HHIPL1: variants seen among roughly 807,000 people sequenced by gnomAD.
HHIPL1 encodes HHIP-like protein 1.
HHIPL1 carries 43 observed loss-of-function variants against 61.8 expected under a neutral mutation model. That is an observed-to-expected ratio of 0.70 (90% confidence interval 0.55 to 0.90). HHIPL1 has a LOEUF of 0.90. Ranked by LOEUF, HHIPL1 falls within the 40% of genes least tolerant of loss-of-function variation. The pLI is 0.00. For synonymous variants in HHIPL1, 482 were observed against 515.8 expected (o/e 0.93, Z 0.89); for missense variants, 1,056 against 1,157.7 (o/e 0.91, Z 1.28).
chr14:99,660,157 T>G lies in HHIPL1; in HGVS notation c.1376-123T>G. The G allele has an allele frequency of 1.0e-6, 1 of 985,104 alleles. No homozygotes were observed. The highest frequency in any genetic ancestry group is 1.5e-6 in the Non-Finnish European group (1 of 689,436). The allele number at this position is 985,104 out of a possible 1,614,324, so 61.0% of individuals were successfully genotyped here. A position where few individuals can be genotyped will look rare whatever the true frequency, so the allele number is the denominator to read the frequency against. On this transcript the variant is annotated intron_variant, in intron 4 of 8. Transcript: ENST00000330710. This position sits in a 1 kb window ranked among gnomAD's most constrained non-coding sequence, Gnocchi z 4.9. ...AGCCCTGCTGTGGGCACGCCAGCCCTGCTGTGGGCACGCCCCTCCCTCCGT... is the reference window on the plus strand; with the variant it reads ...AGCCCTGCTGTGGGCACGCCAGCCCGGCTGTGGGCACGCCCCTCCCTCCGT...
chr14:99,666,257 G>T (rs904269589), intron 6 of HHIPL1, among the ~76,000 whole-genome samples: 1 of 152,180 alleles, frequency 6.6e-6, no homozygotes, highest in African/African-American at 2.4e-5. Context: ...ACTGAGAGAC[G>T]GGAGGACAGG....
the HHIPL1 span, among the ~76,000 whole-genome samples, chr14:99,635,888 G>A: frequency 2.0e-5 from 3 of 152,104 alleles, no homozygotes; most frequent in Non-Finnish European, 4.4e-5. Context: ...AAGTTATCTC[G>A]TGCCTTCAAT....
At chr14:99,631,126 CTTTT>C in the HHIPL1 span, among the ~76,000 whole-genome samples, 1 of 132,202 alleles carries the variant, frequency 7.6e-6, no homozygotes, top group Non-Finnish European at 1.6e-5. Flanking sequence ...TTCTTTCTTT[CTTTT>C]TTTTTTTGAC....
chr14:99,619,540 C>T, the HHIPL1 span, among the ~76,000 whole-genome samples: 6 of 152,066 alleles, frequency 3.9e-5, no homozygotes, highest in South Asian at 4.2e-4. Context: ...CTCACACCTG[C>T]GTGATGATAA....
At chr14:99,631,919 A>G in the HHIPL1 span, among the ~76,000 whole-genome samples, 89 of 152,262 alleles carry the variant, frequency 5.8e-4, no homozygotes, top group African/African-American at 2.1e-3. Context: ...TGCCCCAGAC[A>G]TCCTGGGATG....
the HHIPL1 span, among the ~76,000 whole-genome samples, chr14:99,634,407 A>C: frequency 6.6e-6 from 1 of 152,158 alleles, no homozygotes; most frequent in Non-Finnish European, 1.5e-5. Context: ...GCTGGGGAAA[A>C]TAAGTCTTAC....
chr14:99,619,458 T>A, the HHIPL1 span, among the ~76,000 whole-genome samples: 1 of 129,944 alleles, frequency 7.7e-6, no homozygotes, highest in South Asian at 2.4e-4. Context: ...CAAGACTCCA[T>A]CTCAAAAAAA....
chr14:99,612,600 A>C, the HHIPL1 span, among the ~76,000 whole-genome samples: 1 of 152,194 alleles, frequency 6.6e-6, no homozygotes, highest in East Asian at 1.9e-4. Context: ...GGCCCCAGAC[A>C]CATGGTCTTT....
In HHIPL1 at chr14:99,659,511, C is replaced by A; in HGVS notation, c.1130C>A (p.Pro377Gln). Residue 377 changes from proline (P) to glutamine (Q), a missense_variant, in exon 4 of 9, where the codon CCG becomes CAG. Transcript: ENST00000330710. ...CCCTACGGCATCCCGCCCGACAACCCGTTCGTGGGCGACCCCGCGGCGCAG... is the reference window on the plus strand; with the variant it reads ...CCCTACGGCATCCCGCCCGACAACCAGTTCGTGGGCGACCCCGCGGCGCAG... ...GLPYGIPPDN[P>Q]FVGDPAAQPE... is the part of the protein sequence containing the mutation. 1 of 1,542,064 alleles carries A rather than the reference C, an allele frequency of 6.5e-7. No individual in the cohort carries two copies. The highest frequency in any genetic ancestry group is 1.4e-5 in the African/African-American group (1 of 72,234).
chr14:99,617,671 T>C, the HHIPL1 span, among the ~76,000 whole-genome samples: 1 of 152,186 alleles, frequency 6.6e-6, no homozygotes, highest in Non-Finnish European at 1.5e-5. Flanking sequence ...CTCTGGGCTG[T>C]GGTGCATGAA....
Position 99,652,883 on chromosome 14 carries a change from G to A in HHIPL1, c.902+13G>A, listed in dbSNP as rs982099897. The A allele has an allele frequency of 5.6e-6, 9 of 1,607,592 alleles. No individual in the cohort carries two copies. Among genetic ancestry groups the A allele is most frequent in the Non-Finnish European group, 6.8e-6 (8 of 1,176,242 alleles). ...ACAGCTCTGAGAGGTGGCTTCCTTG[G>A]GGAACCCGGGCCTGGGTGGGGGCAG... On this transcript the variant is annotated intron_variant, in intron 2 of 8. Transcript: ENST00000330710.
Position 99,656,994 on chromosome 14 carries a change from C to G in HHIPL1, c.903-6C>G. Reference sequence around the variant, plus strand: ...CTGAGTTTTAGGGGCCCTTATCTTCCTTTAGGATAATCCTGGAGGTCAAAG... The same window carrying G: ...CTGAGTTTTAGGGGCCCTTATCTTCGTTTAGGATAATCCTGGAGGTCAAAG... On this transcript the variant is annotated splice_polypyrimidine_tract_variant and splice_region_variant and intron_variant, in intron 2 of 8. Coordinates refer to ENST00000330710, the MANE Select transcript of HHIPL1 (RefSeq NM_001127258.3). The G allele has an allele frequency of 1.9e-6, 3 of 1,599,298 alleles. No homozygotes were observed. The highest frequency in any genetic ancestry group is 2.6e-6 in the Non-Finnish European group (3 of 1,172,784).
At chr14:99,635,457 A>T in the HHIPL1 span, among the ~76,000 whole-genome samples, 7 of 152,124 alleles carry the variant, frequency 4.6e-5, no homozygotes, top group Admixed American at 4.6e-4. Flanking sequence ...CCAGGAAAGG[A>T]AAGTGACCCT....
chr14:99,657,287 C>A, intron 3 of HHIPL1, 144 bp downstream of exon 3: 2 of 949,986 alleles, frequency 2.1e-6, no homozygotes, highest in Non-Finnish European at 3.3e-6. Context: ...CTGCAGCTAG[C>A]TGGGCAGCCT....
At position 99,652,229 on chromosome 14, in the gene HHIPL1, C is replaced by T; in HGVS notation, c.261C>T (p.Cys87=). Residue 87 remains cysteine, a synonymous_variant, in exon 2 of 9, where the codon TGC becomes TGT. Coordinates refer to ENST00000330710, the MANE Select transcript of HHIPL1 (RefSeq NM_001127258.3). ...AGCCATTACTGTCTCTGCAGGAATG[C>T]TCGCCGTATGCAGCCCACCTCTATG... is the stretch of plus-strand genomic sequence containing the variant. The part of the protein sequence containing the change: ...GYARDLLCQE[C]SPYAAHLYDA... The T allele has an allele frequency of 6.3e-7, 1 of 1,595,012 alleles. No homozygotes were observed. The highest frequency in any genetic ancestry group is 8.6e-7 in the Non-Finnish European group (1 of 1,169,086).
At chr14:99,616,656 T>C in the HHIPL1 span, among the ~76,000 whole-genome samples, 2 of 152,162 alleles carry the variant, frequency 1.3e-5, no homozygotes, top group Non-Finnish European at 2.9e-5. Context: ...GCAGGGACTT[T>C]TTTGGTTTTT....
the HHIPL1 span, among the ~76,000 whole-genome samples, chr14:99,615,649 G>GAA: frequency 0.056 from 8,405 of 149,530 alleles, 839 homozygotes; most frequent in African/African-American, 0.2. Context: ...GAAAGGAAGA[G>GAA]AGAGAGAGAA....
intron 5 of HHIPL1, 131 bp from the exon 6 acceptor site, chr14:99,662,745 T>C (rs1470759298): frequency 2.3e-5 from 19 of 820,078 alleles, no homozygotes; most frequent in Non-Finnish European, 3.5e-5. Context: ...TGTAGATGGA[T>C]GGTGGAAGGA....
chr14:99,647,379 C>T (rs2140052006), intron 1 of HHIPL1, among the ~76,000 whole-genome samples: 1 of 152,340 alleles, frequency 6.6e-6, no homozygotes, highest in Middle Eastern at 3.4e-3. Flanking sequence ...AGCAGAGTTC[C>T]TGCATCCATG....
Sources: gnomAD v4.1 joint callset for allele counts (sites outside exome capture counted in the v4.1 genomes callset) on GRCh38, gnomAD v4.1.1 for gene constraint, Gnocchi (gnomAD v3.1) non-coding constraint, MANE v1.5 for transcripts, NCBI Gene and HGNC (gene_info 2026-07-23, HGNC 2026-07-21) for gene names.